GALNT17: variants seen among roughly 807,000 people sequenced by gnomAD.
GALNT17 encodes polypeptide N-acetylgalactosaminyltransferase 17.
A neutral mutation model predicts 63.7 loss-of-function variants in GALNT17; 29 were observed. That is an observed-to-expected ratio of 0.46 (90% CI 0.34 to 0.62). GALNT17 has a LOEUF of 0.62. GALNT17 is among the 20% of genes least tolerant of loss of function. The pLI is 0.01. For missense variants in GALNT17, 603 were observed against 799.6 expected (o/e 0.75, Z 2.97); for synonymous variants, 305 against 318.3 (o/e 0.96, Z 0.45).
At chr7:71,618,393 G>A (rs942770038) in intron 6 of GALNT17, among the ~76,000 whole-genome samples, 3 of 152,202 alleles carry the variant, frequency 2.0e-5, no homozygotes, top group Admixed American at 6.5e-5. Context: ...TCTTGAAGCT[G>A]CTCTCCACAG....
At chr7:71,461,880 A>C (rs572022808) in intron 5 of GALNT17, among the ~76,000 whole-genome samples, 1 of 152,244 alleles carries the variant, frequency 6.6e-6, no homozygotes, top group Middle Eastern at 3.4e-3. Context: ...TGTAATTGCT[A>C]TCAACTTGCT....
chr7:71,460,771 T>C (rs1483067658), intron 5 of GALNT17, among the ~76,000 whole-genome samples: 1 of 152,168 alleles, frequency 6.6e-6, no homozygotes, highest in Non-Finnish European at 1.5e-5. Context: ...CCTCCCCTTT[T>C]TAGGCCATAT....
intron 1 of GALNT17, among the ~76,000 whole-genome samples, chr7:71,153,371 A>C (rs564451438): frequency 6.6e-6 from 1 of 152,304 alleles, no homozygotes; most frequent in African/African-American, 2.4e-5. Context: ...GTTACTACCA[A>C]TACTGCTCTT....
At chr7:71,663,884 C>T (rs377225284) in intron 6 of GALNT17, among the ~76,000 whole-genome samples, 2 of 152,190 alleles carry the variant, frequency 1.3e-5, no homozygotes, top group Non-Finnish European at 2.9e-5. Flanking sequence ...TGAGTCAGCT[C>T]ACCTGCAAAA....
intron 1 of GALNT17, chr7:71,284,618 T>G (rs529474258): frequency 6.6e-6 from 1 of 152,288 alleles, no homozygotes; most frequent in Admixed American, 6.5e-5. Context: ...TCCTGAGGCC[T>G]CCCAGCCCTG....
At chr7:71,418,069 G>C (rs912830189) in intron 4 of GALNT17, among the ~76,000 whole-genome samples, 2 of 152,190 alleles carry the variant, frequency 1.3e-5, no homozygotes, top group African/African-American at 4.8e-5. Context: ...TTGGCACTGA[G>C]TGATTTCTCA....
chr7:71,270,196 A>T (rs978492191), intron 1 of GALNT17, among the ~76,000 whole-genome samples: 5 of 152,194 alleles, frequency 3.3e-5, no homozygotes, highest in Non-Finnish European at 7.3e-5. Context: ...TGCACAGCAC[A>T]TGTGGAGGAA....
chr7:71,200,984 T>A (rs982510519), intron 1 of GALNT17, among the ~76,000 whole-genome samples: 4 of 151,966 alleles, frequency 2.6e-5, no homozygotes, highest in African/African-American at 9.7e-5. Context: ...ATATAGTTAG[T>A]CAGACTTTCT....
chr7:71,694,972 C>T (rs529932813), intron 9 of GALNT17, among the ~76,000 whole-genome samples: 14 of 152,352 alleles, frequency 9.2e-5, no homozygotes, highest in Admixed American at 2.6e-4. Flanking sequence ...CCCTCCCTTC[C>T]CATTTCACAT....
At chr7:71,270,941 A>AG (rs1369495211) in intron 1 of GALNT17, among the ~76,000 whole-genome samples, 2 of 37,944 alleles carry the variant, frequency 5.3e-5, no homozygotes, top group Non-Finnish European at 1.4e-4. Flanking sequence ...TTAATCAGAG[A>AG]AAAAAAAAAG....
intron 2 of GALNT17, among the ~76,000 whole-genome samples, chr7:71,369,811 C>CAAA (rs763387719): frequency 2.9e-4 from 21 of 72,142 alleles, no homozygotes; most frequent in Non-Finnish European, 5.3e-4. Context: ...GGCTTTTTGT[C>CAAA]AAAAAAAAAA....
At chr7:71,231,801 T>G (rs1007316679) in intron 1 of GALNT17, among the ~76,000 whole-genome samples, 4 of 150,132 alleles carry the variant, frequency 2.7e-5, no homozygotes, top group African/African-American at 1.0e-4. Flanking sequence ...AGTCTCTTCT[T>G]TCTCTTCTTA....
chr7:71,440,124 T>G, intron 5 of GALNT17, among the ~76,000 whole-genome samples: 1 of 151,712 alleles, frequency 6.6e-6, no homozygotes, highest in Non-Finnish European at 1.5e-5. Flanking sequence ...GGGGCAGGAT[T>G]TCACCATGTT....
In GALNT17 at chr7:71,152,637, C is replaced by CT. The variant is rs748730531; in HGVS notation, c.238+19607dup. 4.9e-3 allele frequency among the ~76,000 whole-genome samples: 732 copies of CT among 149,866 alleles called. 7 individuals are homozygous for CT. The highest frequency in any genetic ancestry group is 0.015 in the African/African-American group (632 of 40,878). On this transcript the variant is annotated intron_variant, in intron 1 of 10. Coordinates refer to ENST00000333538, the MANE Select transcript of GALNT17 (RefSeq NM_022479.3). The stretch of plus-strand genomic sequence containing the variant: ...AATGTTAATGGTTCACATTTTCTTT[C>CT]TTTTTTTTTTCTGAGATAGAGTTTC...
intron 5 of GALNT17, among the ~76,000 whole-genome samples, chr7:71,565,427 C>T (rs1252993710): frequency 6.6e-6 from 1 of 151,756 alleles, no homozygotes; most frequent in Non-Finnish European, 1.5e-5. Flanking sequence ...CTCTCCTTTC[C>T]TCTCCCCTTC....
At chr7:71,151,537 C>T (rs955949692) in intron 1 of GALNT17, among the ~76,000 whole-genome samples, 6 of 151,452 alleles carry the variant, frequency 4.0e-5, no homozygotes, top group African/African-American at 1.5e-4. Context: ...AGGAGAATGG[C>T]GTGAACCCAG....
At chr7:71,260,174 T>C (rs1790360910) in intron 1 of GALNT17, among the ~76,000 whole-genome samples, 1 of 152,300 alleles carries the variant, frequency 6.6e-6, no homozygotes, top group East Asian at 1.9e-4. Flanking sequence ...TTCCATGGGC[T>C]GTCTAGAAAG....
intron 5 of GALNT17, among the ~76,000 whole-genome samples, chr7:71,543,449 G>A (rs1030651124): frequency 1.3e-5 from 2 of 152,178 alleles, no homozygotes; most frequent in Non-Finnish European, 1.5e-5. Flanking sequence ...TCTGGATTCC[G>A]AGATTTGCAG....
intron 6 of GALNT17, among the ~76,000 whole-genome samples, chr7:71,597,949 CT>C (rs536969294): frequency 0.033 from 4,745 of 145,060 alleles, 201 homozygotes; most frequent in African/African-American, 0.11. Flanking sequence ...CTTTCATTTC[CT>C]TTTTTTTTTT....
Sources: allele counts gnomAD v4.1 joint callset (sites outside exome capture counted in the v4.1 genomes callset), GRCh38; gene constraint gnomAD v4.1.1; transcripts MANE v1.5; gene names NCBI Gene and HGNC (gene_info 2026-07-23, HGNC 2026-07-21).